Variants in PLCB1 observed in about 807,000 individuals in gnomAD.
PLCB1 encodes the protein phospholipase C beta 1.
A neutral mutation model predicts 161.8 loss-of-function variants in PLCB1; 46 were observed. The observed-to-expected ratio is 0.28, with a 90% CI of 0.22 to 0.36. PLCB1 has a LOEUF of 0.36. Among genes scored for constraint, PLCB1 ranks in the 10% least tolerant of loss-of-function variants. The probability of loss-of-function intolerance (pLI) is 1.00; values close to 1 mark genes in which losing one functional copy is unlikely to be tolerated. For missense variants in PLCB1, 1,016 were observed against 1,472.5 expected (o/e 0.69, Z 5.07); for synonymous variants, 517 against 503.7 (o/e 1.03, Z -0.35).
chr20:8,781,982 A>G (rs1358177423), intron 27 of PLCB1, among the ~76,000 whole-genome samples: 1 of 152,174 alleles, frequency 6.6e-6, no homozygotes, highest in Non-Finnish European at 1.5e-5. Flanking sequence ...GTCAGGTGGC[A>G]ACTCCACATT....
intron 2 of PLCB1, among the ~76,000 whole-genome samples, chr20:8,207,597 A>G (rs915037029): frequency 6.6e-6 from 1 of 151,916 alleles, no homozygotes; most frequent in Non-Finnish European, 1.5e-5. Context: ...TAATTTTTTT[A>G]AGACACGAGA....
rs980347851 is a variant in PLCB1 at position 8,591,437 on chromosome 20, T to A, written c.247-36857T>A. ...CTGCAACACTAAAGAACATAAAGAA[T>A]CAAAGAGCTTTATTTTTCATCTAAC... On this transcript the variant is annotated intron_variant, in intron 3 of 31. Transcript: ENST00000338037. Among the ~76,000 whole-genome samples the A allele has an allele frequency of 3.3e-5, 5 of 152,226 alleles. No homozygotes were observed. In the South Asian group the frequency reaches 1.0e-3, roughly 32 times the overall value.
chr20:8,465,585 G>C (rs1242971665), intron 3 of PLCB1, among the ~76,000 whole-genome samples: 1 of 152,126 alleles, frequency 6.6e-6, no homozygotes, highest in Non-Finnish European at 1.5e-5. Context: ...TGGTTGCCAA[G>C]ACTCAGCAGA....
At chr20:8,415,669 C>T (rs1018523490) in intron 3 of PLCB1, among the ~76,000 whole-genome samples, 13 of 152,168 alleles carry the variant, frequency 8.5e-5, no homozygotes, top group African/African-American at 2.7e-4. Context: ...AAGACATCAG[C>T]ATGTGTGGGA....
chr20:8,632,054 T>TG (rs1988614418), intron 4 of PLCB1, among the ~76,000 whole-genome samples: 1 of 143,044 alleles, frequency 7.0e-6, no homozygotes, highest in Non-Finnish European at 1.5e-5. Flanking sequence ...TTTTTTTTTT[T>TG]TTTTTTTTTT....
intron 2 of PLCB1, among the ~76,000 whole-genome samples, chr20:8,361,165 T>G (rs1986527996): frequency 6.6e-6 from 1 of 152,242 alleles, no homozygotes; most frequent in Non-Finnish European, 1.5e-5. Context: ...CTTGACACAG[T>G]CTGGCCTCTA....
chr20:8,279,995 GT>G (rs2123282257), intron 2 of PLCB1, among the ~76,000 whole-genome samples: 1 of 152,218 alleles, frequency 6.6e-6, no homozygotes, highest in Non-Finnish European at 1.5e-5. Flanking sequence ...TTGTTTAGCT[GT>G]ACATTTCTTA....
chr20:8,523,398 A>ATGTGTGTGTG (rs34787623), intron 3 of PLCB1, among the ~76,000 whole-genome samples: 10 of 122,578 alleles, frequency 8.2e-5, no homozygotes, highest in African/African-American at 2.6e-4. Context: ...CATAACAAAT[A>ATGTGTGTGTG]TGTGTGTGTG....
At chr20:8,660,676 AGAT>A (rs1989597566) in intron 9 of PLCB1, among the ~76,000 whole-genome samples, 1 of 152,190 alleles carries the variant, frequency 6.6e-6, no homozygotes, top group East Asian at 1.9e-4. Flanking sequence ...ATGGAAATTA[AGAT>A]GATGTCTCCT....
chr20:8,241,977 G>A (rs952315232), intron 2 of PLCB1, among the ~76,000 whole-genome samples: 1 of 151,934 alleles, frequency 6.6e-6, no homozygotes, highest in Non-Finnish European at 1.5e-5. Flanking sequence ...CAAGAACAGA[G>A]CTCTGTTCAA....
At chr20:8,831,964 TTC>T (rs1986029135) in intron 31 of PLCB1, among the ~76,000 whole-genome samples, 1 of 145,258 alleles carries the variant, frequency 6.9e-6, no homozygotes, top group Non-Finnish European at 1.5e-5. Flanking sequence ...CTTTCTTTCT[TTC>T]TTTCTTTCTT....
At chr20:8,210,863 G>A (rs1177211597) in intron 2 of PLCB1, among the ~76,000 whole-genome samples, 3 of 152,040 alleles carry the variant, frequency 2.0e-5, no homozygotes, top group Non-Finnish European at 4.4e-5. Context: ...CTGAAATTTT[G>A]AATTGAGATA....
intron 27 of PLCB1, among the ~76,000 whole-genome samples, chr20:8,779,485 C>T (rs1324980062): frequency 7.3e-6 from 1 of 136,316 alleles, no homozygotes; most frequent in Non-Finnish European, 1.5e-5. Flanking sequence ...GCACACCAAG[C>T]TCTGTAGACT....
chr20:8,168,328 G>C (rs1187244284), intron 2 of PLCB1, among the ~76,000 whole-genome samples: 1 of 152,162 alleles, frequency 6.6e-6, no homozygotes, highest in Non-Finnish European at 1.5e-5. Flanking sequence ...TTGTCTCTCT[G>C]ATGGGATAGA....
chr20:8,640,153 A>G (rs1420706241), intron 4 of PLCB1, among the ~76,000 whole-genome samples: 1 of 152,250 alleles, frequency 6.6e-6, no homozygotes, highest in African/African-American at 2.4e-5. Flanking sequence ...TGAGAAAATT[A>G]TATTTCAGCA....
chr20:8,694,287 G>C (rs937093377), intron 10 of PLCB1, among the ~76,000 whole-genome samples: 1 of 152,142 alleles, frequency 6.6e-6, no homozygotes, highest in Non-Finnish European at 1.5e-5. Flanking sequence ...GGATAAATGT[G>C]GGTTTTCTCA....
Position 8,882,455 on chromosome 20 carries a change from A to G in PLCB1, c.*606A>G, listed in dbSNP as rs1259532148. 1 of 153,328 alleles carries G rather than the reference A, an allele frequency of 6.5e-6. No homozygotes were observed. The highest frequency in any genetic ancestry group is 6.5e-5 in the Admixed American group (1 of 15,418). 9.5% of individuals were successfully genotyped at this position (153,328 alleles called of 1,614,324 possible). ...TTTTATTAGATACTGTAGTGATTCAAATAAGTTTTCTATTTGAAAAAAAAA... is the reference window on the plus strand; with the variant it reads ...TTTTATTAGATACTGTAGTGATTCAGATAAGTTTTCTATTTGAAAAAAAAA... On this transcript the variant is annotated 3_prime_UTR_variant, in exon 32 of 32. Coordinates refer to ENST00000338037, the MANE Select transcript of PLCB1 (RefSeq NM_015192.4).
intron 2 of PLCB1, among the ~76,000 whole-genome samples, chr20:8,244,030 C>G (rs1429079351): frequency 6.6e-6 from 1 of 151,876 alleles, no homozygotes; most frequent in Non-Finnish European, 1.5e-5. Flanking sequence ...ATAACAAAGT[C>G]ATACTGACAT....
rs553097867 is a variant in PLCB1, at chr20:8,398,663, A to G, written c.246+27213A>G. On this transcript the variant is annotated intron_variant, in intron 3 of 31. Coordinates refer to ENST00000338037, the MANE Select transcript of PLCB1 (RefSeq NM_015192.4). ...GGCCTAATCACTTCCCAAAGTCCCT[A>G]CCTCCAACGCCCTATCACGTTGGGG... Among the ~76,000 whole-genome samples the G allele has an allele frequency of 5.3e-5, 8 of 152,090 alleles. No individual in the cohort carries two copies. In the South Asian group the frequency reaches 1.5e-3, roughly 28 times the overall value.
Sources: gnomAD v4.1 joint callset for allele counts (sites outside exome capture counted in the v4.1 genomes callset) on GRCh38, gnomAD v4.1.1 for gene constraint, MANE v1.5 for transcripts, NCBI Gene and HGNC (gene_info 2026-07-23, HGNC 2026-07-21) for gene names.